The following CTTNBP2 variants were observed in gnomAD, a reference collection of about 807,000 sequenced individuals.
The protein encoded by CTTNBP2 is cortactin-binding protein 2.
Under a neutral mutation model 156.9 loss-of-function variants are expected in CTTNBP2, and 108 were observed. The ratio of observed to expected loss-of-function variants is 0.69; its 90% CI spans 0.59 to 0.81. The LOEUF (loss-of-function observed/expected upper bound fraction) is 0.81. CTTNBP2 is among the 30% of genes least tolerant of loss of function. The pLI, the probability that CTTNBP2 is intolerant of heterozygous loss-of-function variation, is 0.00. For synonymous variants in CTTNBP2, 767 were observed against 751.8 expected, an observed-to-expected ratio of 1.02 and a Z score of -0.33; for missense variants, 1,924 against 2,035.4, an observed-to-expected ratio of 0.95 and a Z score of 1.05.
At chr7:117,747,547 C>T (rs1189870156) in intron 12 of CTTNBP2, among the ~76,000 whole-genome samples, 2 of 152,104 alleles carry the variant, frequency 1.3e-5, no homozygotes, top group Non-Finnish European at 2.9e-5. Context: ...CCAAGGTGGG[C>T]GGATCACTTG....
intron 2 of CTTNBP2, among the ~76,000 whole-genome samples, chr7:117,819,520 GA>G (rs1334569865): frequency 6.6e-6 from 1 of 152,006 alleles, no homozygotes; most frequent in Non-Finnish European, 1.5e-5. Flanking sequence ...GAAAGCCTTA[GA>G]AATTCACTGG....
At chr7:117,866,961 A>G (rs1266237550) in intron 1 of CTTNBP2, among the ~76,000 whole-genome samples, 2 of 152,216 alleles carry the variant, frequency 1.3e-5, no homozygotes, top group East Asian at 3.8e-4. Flanking sequence ...AGGGCTATCA[A>G]AAAGGAAAAG....
At chr7:117,748,273 A>T (rs572572447) in intron 12 of CTTNBP2, among the ~76,000 whole-genome samples, 5 of 152,300 alleles carry the variant, frequency 3.3e-5, no homozygotes, top group Middle Eastern at 3.4e-3. Context: ...ACTTTTCATT[A>T]AAAAATGCTG....
chr7:117,725,222 G>C lies in CTTNBP2; in HGVS notation c.4091C>G (p.Pro1364Arg). 6.2e-7 allele frequency: 1 copy of C among 1,614,094 alleles called. No homozygotes were observed. The highest frequency in any genetic ancestry group is 8.5e-7 in the Non-Finnish European group (1 of 1,180,004). The stretch of plus-strand genomic sequence containing the variant: ...TGACAATATTGCTTCTTGAACTCTG[G>C]GTGCGATGACGCCATTCCACAGCTT... ...MSKLWNGVIA[P>R]RVQEAILSRA... Residue 1364 changes from proline (P) to arginine (R), a missense_variant, in exon 18 of 23, where the codon CCC (proline) becomes CGC (arginine). Pro to Arg is a moderately radical substitution (Grantham distance 103). Coordinates refer to ENST00000160373, the MANE Select transcript of CTTNBP2 (RefSeq NM_033427.3).
At position 117,760,719 on chromosome 7, in the gene CTTNBP2, A is replaced by G; in HGVS notation, c.2897-9T>C. 6.3e-7 allele frequency: 1 copy of G among 1,588,116 alleles called. No individual in the cohort carries two copies. The highest frequency in any genetic ancestry group is 8.6e-7 in the Non-Finnish European group (1 of 1,161,888). ...GGGTATTTTAAGAGCATCTGTTAGA[A>G]GAGTAAAAGAATTAGGAGTTAAAAA... On this transcript the variant is annotated splice_polypyrimidine_tract_variant and intron_variant, in intron 9 of 22. Coordinates refer to ENST00000160373, the MANE Select transcript of CTTNBP2 (RefSeq NM_033427.3).
chr7:117,758,800 T>C (rs574602902), intron 10 of CTTNBP2, among the ~76,000 whole-genome samples: 6 of 152,326 alleles, frequency 3.9e-5, no homozygotes, highest in South Asian at 2.1e-4. Flanking sequence ...GATTTTTCGA[T>C]GTGAAATGCT....
chr7:117,739,084 A>G (rs949307417), intron 14 of CTTNBP2, among the ~76,000 whole-genome samples: 13 of 152,136 alleles, frequency 8.5e-5, no homozygotes, highest in Admixed American at 7.2e-4. Context: ...CGCTTGCCTC[A>G]TTGCCTCAGT....
At chr7:117,825,247 G>A (rs1317171177) in intron 2 of CTTNBP2, among the ~76,000 whole-genome samples, 1 of 152,180 alleles carries the variant, frequency 6.6e-6, no homozygotes, top group Non-Finnish European at 1.5e-5. Context: ...CTTTGGCTGT[G>A]TCTCCTTACT....
chr7:117,784,831 A>C (rs1196240721), intron 4 of CTTNBP2, among the ~76,000 whole-genome samples: 2 of 152,354 alleles, frequency 1.3e-5, no homozygotes, highest in East Asian at 3.9e-4. Context: ...TTTACAAGGT[A>C]AAGTTTTCCT....
chr7:117,724,979 CT>C, intron 18 of CTTNBP2, 72 bp downstream of exon 18: 1 of 1,386,710 alleles, frequency 7.2e-7, no homozygotes, highest in Non-Finnish European at 1.0e-6. Context: ...AAAGAAAGCT[CT>C]CTAAAAACAG....
intron 5 of CTTNBP2, among the ~76,000 whole-genome samples, 183 bp from the exon 6 acceptor site, chr7:117,783,144 TC>T (rs2116810750): frequency 6.6e-6 from 1 of 152,226 alleles, no homozygotes. Context: ...CAGCCAATTT[TC>T]CCAAAGATTA....
chr7:117,826,306 G>T (rs886539062), intron 2 of CTTNBP2, among the ~76,000 whole-genome samples: 1 of 152,028 alleles, frequency 6.6e-6, no homozygotes, highest in African/African-American at 2.4e-5. Flanking sequence ...CTTTTCAAGA[G>T]ATAGTTTGTA....
intron 1 of CTTNBP2, among the ~76,000 whole-genome samples, chr7:117,870,045 G>A (rs1804475596): frequency 6.6e-6 from 1 of 152,100 alleles, no homozygotes; most frequent in Admixed American, 6.5e-5. Flanking sequence ...TACTTCAAAT[G>A]TCATCCTTCT....
At position 117,747,688 on chromosome 7, in the gene CTTNBP2, G is replaced by A. The variant is rs905570579; in HGVS notation, c.3349-1589C>T. On this transcript the variant is annotated intron_variant, in intron 12 of 22. Coordinates refer to ENST00000160373, the MANE Select transcript of CTTNBP2 (RefSeq NM_033427.3). ...CTTGGGAGGTTGAGGCAGGAGAATC[G>A]CTTGAACCCGGGAGGTGGAGGTTGC... Among the ~76,000 whole-genome samples, 6 of 152,268 alleles carry A rather than the reference G, an allele frequency of 3.9e-5. 1 individual carries two copies. The South Asian group carries it at 8.3e-4, about 21-fold the overall frequency.
At chr7:117,870,407 C>T (rs1003632495) in intron 1 of CTTNBP2, among the ~76,000 whole-genome samples, 2 of 152,230 alleles carry the variant, frequency 1.3e-5, no homozygotes, top group Non-Finnish European at 2.9e-5. Context: ...CATTTACATT[C>T]AATACTGTCA....
intron 14 of CTTNBP2, among the ~76,000 whole-genome samples, chr7:117,744,326 AC>A (rs1271255386): frequency 6.6e-6 from 1 of 150,662 alleles, no homozygotes; most frequent in Non-Finnish European, 1.5e-5. Context: ...ACTCCCCAAC[AC>A]CCAACACTAC....
intron 7 of CTTNBP2, among the ~76,000 whole-genome samples, chr7:117,779,415 G>C (rs1289754453): frequency 6.6e-6 from 1 of 152,018 alleles, no homozygotes; most frequent in East Asian, 1.9e-4. Flanking sequence ...TACTTCTAAA[G>C]GTTTTGTTCA....
intron 2 of CTTNBP2, among the ~76,000 whole-genome samples, chr7:117,860,467 C>T (rs1433045554): frequency 2.0e-5 from 3 of 151,926 alleles, no homozygotes; most frequent in Admixed American, 6.6e-5. Flanking sequence ...CTCAGCCTCC[C>T]GAATAGCTGG....
chr7:117,773,707 A>ACTCC (rs1234464093), intron 8 of CTTNBP2, among the ~76,000 whole-genome samples: 1 of 128,958 alleles, frequency 7.8e-6, no homozygotes, highest in Non-Finnish European at 1.6e-5. Context: ...ACACACACAC[A>ACTCC]CCCCAAAAAA....
Sources: gnomAD v4.1 joint callset for allele counts (sites outside exome capture counted in the v4.1 genomes callset) on GRCh38, gnomAD v4.1.1 for gene constraint, MANE v1.5 for transcripts, NCBI Gene and HGNC (gene_info 2026-07-23, HGNC 2026-07-21) for gene names.